Variants in EYA1 observed in about 807,000 individuals in gnomAD.
EYA1 encodes the protein EYA transcriptional coactivator and phosphatase 1.
Under a neutral mutation model 82.0 loss-of-function variants are expected in EYA1, and 16 were observed. The ratio of observed to expected loss-of-function variants is 0.20; its 90% CI spans 0.13 to 0.30. The LOEUF is 0.30. Ranked by LOEUF, EYA1 falls within the 10% of genes least tolerant of loss-of-function variation. The pLI, the probability that EYA1 is intolerant of heterozygous loss-of-function variation, is 1.00. For missense variants in EYA1, 633 were observed against 730.7 expected (o/e 0.87, Z 1.54); for synonymous variants, 261 against 264.4 (o/e 0.99, Z 0.12).
intron 1 of EYA1, among the ~76,000 whole-genome samples, chr8:71,359,023 A>T (rs1349669808): frequency 6.9e-6 from 1 of 144,034 alleles, no homozygotes; most frequent in Non-Finnish European, 1.6e-5. Flanking sequence ...AATATTTCCC[A>T]TAACATAACA....
At chr8:71,439,035 C>A (rs1430005991) in intron 2 of EYA1, among the ~76,000 whole-genome samples, 3 of 152,154 alleles carry the variant, frequency 2.0e-5, no homozygotes, top group Non-Finnish European at 4.4e-5. Context: ...TAGCAAGGAG[C>A]AAACCAAGCA....
chr8:71,210,756 G>A (rs1366299262), intron 17 of EYA1, among the ~76,000 whole-genome samples: 1 of 152,226 alleles, frequency 6.6e-6, no homozygotes, highest in Admixed American at 6.5e-5. Flanking sequence ...AACTGATAGA[G>A]GCTTTCTGAA....
chr8:71,498,722 C>A (rs559335105), intron 2 of EYA1, among the ~76,000 whole-genome samples: 2 of 151,962 alleles, frequency 1.3e-5, no homozygotes, highest in African/African-American at 2.4e-5. Context: ...ATCTCCGAGT[C>A]GGTTAAAGTA....
At chr8:71,297,491 C>G (rs1160092064) in intron 9 of EYA1, among the ~76,000 whole-genome samples, 1 of 152,162 alleles carries the variant, frequency 6.6e-6, no homozygotes, top group Non-Finnish European at 1.5e-5. Flanking sequence ...GTCTCCTCTT[C>G]TCTTTCTATG....
chr8:71,346,446 A>ATATATATATC (rs1008545449), intron 3 of EYA1, among the ~76,000 whole-genome samples: 5 of 135,756 alleles, frequency 3.7e-5, no homozygotes, highest in African/African-American at 1.5e-4. Context: ...ATATATATAT[A>ATATATATATC]TATATATATC....
In EYA1 at chr8:71,321,815, G is replaced by T. The variant is rs747371845; in HGVS notation, c.337C>A (p.Gln113Lys). 6.2e-7 allele frequency: 1 copy of T among 1,614,214 alleles called. No individual in the cohort carries two copies. Among genetic ancestry groups the T allele is most frequent in the Non-Finnish European group, 8.5e-7 (1 of 1,180,022 alleles). Residue 113 changes from glutamine to lysine, a missense_variant, in exon 6 of 18, where the codon CAG becomes AAG. Coordinates refer to ENST00000340726, the MANE Select transcript of EYA1 (RefSeq NM_000503.6). ...SQTMAAYGQT[Q>K]FTTGMQQATA... Reference sequence around the variant, plus strand: ...GCTTGTTGCATTCCTGTGGTAAACTGTGTTTGCCCATATGCAGCCATAGTT... The same window carrying T: ...GCTTGTTGCATTCCTGTGGTAAACTTTGTTTGCCCATATGCAGCCATAGTT...
At chr8:71,394,108 C>A (rs1453523775) in intron 2 of EYA1, among the ~76,000 whole-genome samples, 1 of 152,122 alleles carries the variant, frequency 6.6e-6, no homozygotes, top group Admixed American at 6.6e-5. Context: ...GTGTCTGTTC[C>A]TATCCTTCAC....
At chr8:71,237,058 CTTTTT>C (rs796067166) in intron 12 of EYA1, among the ~76,000 whole-genome samples, 1 of 144,596 alleles carries the variant, frequency 6.9e-6, no homozygotes, top group South Asian at 2.2e-4. Flanking sequence ...CATTTCTTTT[CTTTTT>C]TTTTTTTGAG....
chr8:71,484,149 T>C (rs1810384789), intron 2 of EYA1, among the ~76,000 whole-genome samples: 1 of 152,186 alleles, frequency 6.6e-6, no homozygotes, highest in African/African-American at 2.4e-5. Context: ...CAGTCACCTG[T>C]GCCCATCCCT....
chr8:71,496,672 A>C (rs1216242391), intron 2 of EYA1, among the ~76,000 whole-genome samples: 1 of 152,210 alleles, frequency 6.6e-6, no homozygotes, highest in African/African-American at 2.4e-5. Context: ...CTAATTTACT[A>C]AATGCTATCT....
chr8:71,386,164 C>T (rs1013575242), intron 2 of EYA1, among the ~76,000 whole-genome samples: 6 of 152,172 alleles, frequency 3.9e-5, no homozygotes, highest in African/African-American at 1.4e-4. Context: ...ATTTTATCCT[C>T]TTCTGATTCT....
At chr8:71,492,196 C>T (rs1811052802) in intron 2 of EYA1, among the ~76,000 whole-genome samples, 1 of 152,156 alleles carries the variant, frequency 6.6e-6, no homozygotes, top group African/African-American at 2.4e-5. Context: ...CGGTAACTGC[C>T]CCTGGCACAG....
chr8:71,435,131 T>C (rs1586710904), intron 2 of EYA1, among the ~76,000 whole-genome samples: 1 of 152,158 alleles, frequency 6.6e-6, no homozygotes, highest in Non-Finnish European at 1.5e-5. Flanking sequence ...TTCAAGGTTC[T>C]GGGAAACCTT....
chr8:71,531,327 G>A (rs1161815112), intron 2 of EYA1: 2 of 152,144 alleles, frequency 1.3e-5, no homozygotes, highest in Admixed American at 6.5e-5. Flanking sequence ...AGCAGAAGAG[G>A]TTGATGCTTA....
chr8:71,357,180 A>G (rs775521793), intron 1 of EYA1, among the ~76,000 whole-genome samples: 6 of 152,226 alleles, frequency 3.9e-5, no homozygotes, highest in African/African-American at 9.6e-5. Flanking sequence ...TTAAAATTCA[A>G]TGGGTTCTTA....
intron 16 of EYA1, among the ~76,000 whole-genome samples, chr8:71,214,968 T>C (rs1171743958): frequency 2.0e-5 from 3 of 152,262 alleles, no homozygotes; most frequent in Non-Finnish European, 4.4e-5. Flanking sequence ...ATTATACAGA[T>C]TGAATGAAAA....
intron 3 of EYA1, among the ~76,000 whole-genome samples, chr8:71,343,375 T>A (rs2129055411): frequency 1.3e-5 from 2 of 152,326 alleles, no homozygotes; most frequent in East Asian, 3.9e-4. Flanking sequence ...GTGTCAGTAT[T>A]GAAAGATGGG....
intron 2 of EYA1, among the ~76,000 whole-genome samples, chr8:71,525,357 C>T (rs763520266): frequency 6.6e-6 from 1 of 152,100 alleles, no homozygotes; most frequent in Non-Finnish European, 1.5e-5. Context: ...TAATTTATGT[C>T]GTTTGAATTT....
chr8:71,329,583 C>T (rs1026192254), intron 4 of EYA1, among the ~76,000 whole-genome samples: 5 of 152,194 alleles, frequency 3.3e-5, no homozygotes, highest in African/African-American at 1.2e-4. Context: ...TCTTCAAGCT[C>T]ACATGCCTAT....
Sources: allele counts gnomAD v4.1 joint callset (sites outside exome capture counted in the v4.1 genomes callset), GRCh38; gene constraint gnomAD v4.1.1; transcripts MANE v1.5; gene names NCBI Gene and HGNC (gene_info 2026-07-23, HGNC 2026-07-21).